The following LRP1B variants were observed in gnomAD, a reference collection of about 807,000 sequenced individuals.
LRP1B encodes LDL receptor related protein 1B, also known as low-density lipoprotein receptor-related protein 1B.
A neutral mutation model predicts 556.6 loss-of-function variants in LRP1B; 217 were observed. The ratio of observed to expected loss-of-function variants is 0.39; its 90% CI spans 0.35 to 0.44. The LOEUF (loss-of-function observed/expected upper bound fraction) is 0.44. Among genes scored for constraint, LRP1B ranks in the 20% least tolerant of loss-of-function variants. LRP1B has a pLI of 1.00. For synonymous variants in LRP1B, 2,047 were observed against 1,865.8 expected, an observed-to-expected ratio of 1.10 and a Z score of -2.50; for missense variants, 5,053 against 5,620.8, an observed-to-expected ratio of 0.90 and a Z score of 3.23.
chr2:141,720,167 C>T (rs532059999), intron 2 of LRP1B, among the ~76,000 whole-genome samples: 1 of 152,220 alleles, frequency 6.6e-6, no homozygotes, highest in South Asian at 2.1e-4. Context: ...TGTCATCTAT[C>T]TGTGCTGAAC....
At chr2:141,788,141 A>G (rs868134731) in intron 2 of LRP1B, among the ~76,000 whole-genome samples, 1 of 152,038 alleles carries the variant, frequency 6.6e-6, no homozygotes, top group African/African-American at 2.4e-5. Flanking sequence ...TTTATGTGAC[A>G]GGCCCATATT....
At chr2:142,047,727 C>T (rs1009474346) in intron 1 of LRP1B, among the ~76,000 whole-genome samples, 15 of 151,670 alleles carry the variant, frequency 9.9e-5, no homozygotes, top group Non-Finnish European at 7.4e-5. Flanking sequence ...ATGCATAACA[C>T]CTCTAAAAAA....
At position 141,212,205 on chromosome 2, in the gene LRP1B, T is replaced by A. The variant is rs1682585889; in HGVS notation, c.850+16978A>T. On this transcript the variant is annotated intron_variant, in intron 6 of 90. Transcript: ENST00000389484. ...AGTTACTGCAGCAAAAATTCTTGTA[T>A]AAAATTTACTTTTCCCCCAAGATAT... 2.1e-5 allele frequency among the ~76,000 whole-genome samples: 3 copies of A among 142,026 alleles called. No homozygotes were observed. In the South Asian group the frequency reaches 6.8e-4, roughly 32 times the overall value. 93.2% of individuals were successfully genotyped at this position (142,026 alleles called of 152,430 possible).
intron 3 of LRP1B, among the ~76,000 whole-genome samples, chr2:141,354,098 AC>A (rs1688539302): frequency 6.6e-6 from 1 of 151,902 alleles, no homozygotes; most frequent in Non-Finnish European, 1.5e-5. Context: ...TCAAAAACCT[AC>A]CTCTCGGGTA....
At chr2:140,886,454 C>A in intron 23 of LRP1B, 119 bp from the exon 24 acceptor site, 1 of 598,234 alleles carries the variant, frequency 1.7e-6, no homozygotes. Flanking sequence ...TGTCTTAAAA[C>A]AGCAATTTCT....
intron 66 of LRP1B, among the ~76,000 whole-genome samples, chr2:140,401,486 C>A (rs903304799): frequency 3.3e-5 from 5 of 152,122 alleles, no homozygotes; most frequent in African/African-American, 7.2e-5. Flanking sequence ...GAGAACTGCC[C>A]CCAACCCCCA....
chr2:142,084,663 A>G (rs1705842457), intron 1 of LRP1B, among the ~76,000 whole-genome samples: 1 of 152,046 alleles, frequency 6.6e-6, no homozygotes, highest in Non-Finnish European at 1.5e-5. Flanking sequence ...TTATCCAACT[A>G]CTTTTACCAA....
chr2:141,317,689 A>C (rs1168595685), intron 3 of LRP1B, among the ~76,000 whole-genome samples: 1 of 152,120 alleles, frequency 6.6e-6, no homozygotes, highest in East Asian at 1.9e-4. Flanking sequence ...CAGGGTGTGG[A>C]TTCTTGGTGC....
chr2:140,595,792 T>A (rs1682418670), intron 43 of LRP1B, among the ~76,000 whole-genome samples: 1 of 152,148 alleles, frequency 6.6e-6, no homozygotes, highest in African/African-American at 2.4e-5. Context: ...GCATAAGGAT[T>A]TTAAATGACT....
chr2:141,666,445 T>C (rs1266205804), intron 2 of LRP1B, among the ~76,000 whole-genome samples: 3 of 152,198 alleles, frequency 2.0e-5, no homozygotes, highest in Middle Eastern at 3.2e-3. Flanking sequence ...ACTCAAACAA[T>C]TGAGTTCAAG....
intron 1 of LRP1B, among the ~76,000 whole-genome samples, chr2:141,923,446 A>ATATATGTGTGTG (rs751676259): frequency 2.4e-5 from 2 of 81,774 alleles, no homozygotes; most frequent in Non-Finnish European, 4.7e-5. Flanking sequence ...TTATATATAT[A>ATATATGTGTGTG]TGTGTGTGTG....
At chr2:140,466,003 A>AT (rs969609452) in intron 60 of LRP1B, among the ~76,000 whole-genome samples, 2 of 151,136 alleles carry the variant, frequency 1.3e-5, no homozygotes, top group Non-Finnish European at 1.5e-5. Context: ...GAATGATAGA[A>AT]TTTTTTTTTC....
intron 46 of LRP1B, among the ~76,000 whole-genome samples, chr2:140,534,768 G>C (rs1215359071): frequency 6.6e-6 from 1 of 152,128 alleles, no homozygotes; most frequent in Non-Finnish European, 1.5e-5. Context: ...CGTATTAAAT[G>C]CCAGCTTTGC....
chr2:140,541,669 AT>A, intron 44 of LRP1B, 109 bp downstream of exon 44: 5 of 886,108 alleles, frequency 5.6e-6, no homozygotes, highest in Admixed American at 5.3e-5. Flanking sequence ...AAAAAATAAT[AT>A]TTTTTAAAAG....
At chr2:140,619,584 C>A (rs1308406353) in intron 41 of LRP1B, among the ~76,000 whole-genome samples, 1 of 152,112 alleles carries the variant, frequency 6.6e-6, no homozygotes, top group Non-Finnish European at 1.5e-5. Flanking sequence ...GTGGGAGTCC[C>A]CGTATAACCT....
In LRP1B at chr2:141,058,995, A is replaced by G; in HGVS notation, c.1296T>C (p.Asp432=). The change falls in exon 9 of 91, where the codon GAT becomes GAC. Residue 432 remains aspartate, a synonymous_variant. Coordinates refer to ENST00000389484, the MANE Select transcript of LRP1B (RefSeq NM_018557.3). ...FEDYLYATNS[D]NYNIVRINRF... ...GGTTTATCCTTACGATATTGTAGTT[A>G]TCAGAATTGGTTGCATACAAATAAT... 1 of 1,593,220 alleles carries G rather than the reference A, an allele frequency of 6.3e-7. No homozygotes were observed. The highest frequency in any genetic ancestry group is 1.1e-5 in the South Asian group (1 of 86,976).
Position 141,189,380 on chromosome 2 carries a change from T to C in LRP1B, c.851-797A>G, listed in dbSNP as rs191426797. Among the ~76,000 whole-genome samples, 205 of 152,084 alleles carry C rather than the reference T, an allele frequency of 1.3e-3. 2 individuals are homozygous for C. The highest frequency in any genetic ancestry group is 4.7e-3 in the African/African-American group (196 of 41,482). ...TTTCAGTTCTGACTAGCTGTCTCAC[T>C]CATTATCTTCATGTTCCTGGAACTT... is the stretch of plus-strand genomic sequence containing the variant. On this transcript the variant is annotated intron_variant, in intron 6 of 90. Transcript: ENST00000389484.
chr2:140,507,779 T>C (rs1330264186), intron 52 of LRP1B, among the ~76,000 whole-genome samples: 1 of 152,204 alleles, frequency 6.6e-6, no homozygotes, highest in African/African-American at 2.4e-5. Context: ...CAAATAGCAA[T>C]AATCCGCTAT....
chr2:141,756,804 A>T (rs906644), intron 2 of LRP1B, among the ~76,000 whole-genome samples: 1 of 151,922 alleles, frequency 6.6e-6, no homozygotes. Context: ...TAGCCTAGGT[A>T]TGTAGTGGGG....
Sources: gnomAD v4.1 joint callset for allele counts (sites outside exome capture counted in the v4.1 genomes callset) on GRCh38, gnomAD v4.1.1 for gene constraint, MANE v1.5 for transcripts, NCBI Gene and HGNC (gene_info 2026-07-23, HGNC 2026-07-21) for gene names.